Variants in STXBP5 observed in about 807,000 individuals in gnomAD.
The protein encoded by STXBP5 is syntaxin-binding protein 5.
A neutral mutation model predicts 152.4 loss-of-function variants in STXBP5; 50 were observed. The ratio of observed to expected loss-of-function variants is 0.33; its 90% CI spans 0.26 to 0.42. STXBP5 has a LOEUF of 0.42. STXBP5 is among the 10% of genes least tolerant of loss of function. STXBP5 has a pLI of 1.00. For missense variants in STXBP5, 1,167 were observed against 1,388.6 expected (o/e 0.84, Z 2.54); for synonymous variants, 492 against 494.7 (o/e 0.99, Z 0.07).
Position 147,301,217 on chromosome 6 carries a change from C to T in STXBP5, c.918-8867C>T, listed in dbSNP as rs544418068. ...TTGATGGAATGTAAATTAGTGCAGC[C>T]ATTATTGAAAATCATATGGAGGTTC... On this transcript the variant is annotated intron_variant, in intron 9 of 27. Transcript: ENST00000321680. 2.0e-5 allele frequency among the ~76,000 whole-genome samples: 3 copies of T among 152,128 alleles called. No homozygotes were observed. The South Asian group carries it at 6.2e-4, about 32-fold the overall frequency.
intron 6 of STXBP5, 76 bp from the exon 7 acceptor site, chr6:147,267,008 T>A (rs1779926975): frequency 1.6e-6 from 2 of 1,226,482 alleles, no homozygotes; most frequent in Non-Finnish European, 2.4e-6. Context: ...TGATAGTAGT[T>A]ATTTTCATTG....
intron 2 of STXBP5, among the ~76,000 whole-genome samples, chr6:147,215,457 T>G (rs1250125629): frequency 1.3e-5 from 2 of 152,172 alleles, no homozygotes; most frequent in African/African-American, 2.4e-5. Context: ...CTCGGCTCAC[T>G]ACAACCTCTG....
intron 2 of STXBP5, 78 bp downstream of exon 2, chr6:147,206,146 GA>G (rs776642217): frequency 2.9e-4 from 373 of 1,295,174 alleles, no homozygotes; most frequent in Non-Finnish European, 3.9e-4. Flanking sequence ...TAGTTCCAAA[GA>G]AAGTTTTTAT....
Position 147,341,238 on chromosome 6 carries a change from G to T in STXBP5, c.2254+1854G>T, listed in dbSNP as rs571602125. 1.2e-3 allele frequency among the ~76,000 whole-genome samples: 176 copies of T among 151,994 alleles called. 4 individuals are homozygous for T. The highest frequency in any genetic ancestry group is 1.3e-4 in the Non-Finnish European group (9 of 67,970). Reference sequence around the variant, plus strand: ...TCTCCCTACATTAGTATTTAGTTTTGTTATAAGAATTAGCATAAAATATGC... The same window carrying T: ...TCTCCCTACATTAGTATTTAGTTTTTTTATAAGAATTAGCATAAAATATGC... On this transcript the variant is annotated intron_variant, in intron 21 of 27. Coordinates refer to ENST00000321680, the MANE Select transcript of STXBP5 (RefSeq NM_001127715.4).
intron 2 of STXBP5, among the ~76,000 whole-genome samples, chr6:147,220,969 T>G (rs765420511): frequency 6.6e-6 from 1 of 152,154 alleles, no homozygotes; most frequent in Non-Finnish European, 1.5e-5. Context: ...TTTTTATGCC[T>G]CTTGTGGTTT....
chr6:147,385,061 G>A lies in STXBP5; in HGVS notation c.*306G>A, dbSNP rs2128424894. 2.9e-6 allele frequency: 1 copy of A among 344,808 alleles called. No homozygotes were observed. The highest frequency in any genetic ancestry group is 5.3e-6 in the Non-Finnish European group (1 of 189,728). The allele number at this position is 344,808 out of a possible 1,614,324, so 21.4% of individuals were successfully genotyped here. ...AGACCTGGTGCAGGGACTAATCCTGGATCATTCCTGTATTAAACTTTCATA... is the reference window on the plus strand; with the variant it reads ...AGACCTGGTGCAGGGACTAATCCTGAATCATTCCTGTATTAAACTTTCATA... On this transcript the variant is annotated 3_prime_UTR_variant, in exon 28 of 28. Coordinates refer to ENST00000321680, the MANE Select transcript of STXBP5 (RefSeq NM_001127715.4).
intron 2 of STXBP5, among the ~76,000 whole-genome samples, chr6:147,218,825 C>G (rs957767473): frequency 4.6e-5 from 7 of 152,186 alleles, no homozygotes; most frequent in Non-Finnish European, 1.5e-5. Context: ...TTGCTATAAT[C>G]ACATATTGGT....
intron 10 of STXBP5, 34 bp downstream of exon 10, chr6:147,310,272 A>G: frequency 7.1e-7 from 1 of 1,407,622 alleles, no homozygotes; most frequent in African/African-American, 1.5e-5. Flanking sequence ...CATTCTCTAT[A>G]GAGAGCTGAT....
intron 8 of STXBP5, among the ~76,000 whole-genome samples, chr6:147,278,786 C>A (rs75890650): frequency 0.04 from 6,115 of 152,192 alleles, 307 homozygotes; most frequent in East Asian, 0.15. Flanking sequence ...TAGAGGAAAC[C>A]AGGCTCAAGC....
At chr6:147,322,409 A>G (rs1015306383) in intron 16 of STXBP5, among the ~76,000 whole-genome samples, 1 of 152,238 alleles carries the variant, frequency 6.6e-6, no homozygotes, top group Non-Finnish European at 1.5e-5. Flanking sequence ...CTGTAGTTCA[A>G]TTCGTATAAG....
At chr6:147,240,097 A>C (rs933463843) in intron 4 of STXBP5, among the ~76,000 whole-genome samples, 5 of 151,862 alleles carry the variant, frequency 3.3e-5, no homozygotes, top group African/African-American at 1.2e-4. Flanking sequence ...ATGCACCACA[A>C]CACCTGGCTA....
chr6:147,222,131 T>C (rs147980947), intron 2 of STXBP5, among the ~76,000 whole-genome samples: 1 of 152,320 alleles, frequency 6.6e-6, no homozygotes, highest in Non-Finnish European at 1.5e-5. Context: ...TTTCCATCGT[T>C]CTGCTTATAT....
chr6:147,372,173 A>C (rs1359973464), intron 25 of STXBP5, among the ~76,000 whole-genome samples: 1 of 152,066 alleles, frequency 6.6e-6, no homozygotes, highest in Non-Finnish European at 1.5e-5. Flanking sequence ...TCAGTCTTAT[A>C]AATAAAACTG....
intron 24 of STXBP5, 87 bp downstream of exon 24, chr6:147,363,791 G>C: frequency 6.7e-7 from 1 of 1,501,458 alleles, no homozygotes. Flanking sequence ...AATGCTTTTT[G>C]TGTGTGTATA....
At chr6:147,218,629 C>T (rs957947086) in intron 2 of STXBP5, among the ~76,000 whole-genome samples, 1 of 152,070 alleles carries the variant, frequency 6.6e-6, no homozygotes, top group African/African-American at 2.4e-5. Context: ...CACAGGTGCA[C>T]ACCATCACAC....
chr6:147,378,447 A>G (rs1015360773), intron 26 of STXBP5, among the ~76,000 whole-genome samples: 2 of 151,674 alleles, frequency 1.3e-5, no homozygotes, highest in Non-Finnish European at 2.9e-5. Context: ...CGTTCCTGAT[A>G]GAGACTCCTA....
chr6:147,328,695 T>C (rs1160918756), intron 18 of STXBP5: 2 of 470,158 alleles, frequency 4.3e-6, no homozygotes, highest in Non-Finnish European at 8.8e-6. Context: ...ATTGCTTCAC[T>C]AAGGTGTGCT....
chr6:147,359,437 G>A, intron 23 of STXBP5, 114 bp downstream of exon 23: 1 of 1,250,474 alleles, frequency 8.0e-7, no homozygotes, highest in Non-Finnish European at 1.1e-6. Flanking sequence ...AAGTAAATGG[G>A]GACAGTGATG....
rs1318531380 is a variant in STXBP5 at position 147,385,667 on chromosome 6, T to C, written c.*912T>C. ...GTTGAAATTGGCTGTGTTTTAAATT[T>C]TGCTTGAATTTTTATAAAATGTTTA... is the stretch of plus-strand genomic sequence containing the variant. On this transcript the variant is annotated 3_prime_UTR_variant, in exon 28 of 28. Coordinates refer to ENST00000321680, the MANE Select transcript of STXBP5 (RefSeq NM_001127715.4). The C allele has an allele frequency of 4.6e-5, 7 of 152,152 alleles. No individual in the cohort carries two copies. The highest frequency in any genetic ancestry group is 3.9e-4 in the Admixed American group (6 of 15,254). 9.4% of individuals were successfully genotyped at this position (152,152 alleles called of 1,614,324 possible). A position where few individuals can be genotyped will look rare whatever the true frequency, so the allele number is the denominator to read the frequency against.
Sources: allele counts gnomAD v4.1 joint callset (sites outside exome capture counted in the v4.1 genomes callset), GRCh38; gene constraint gnomAD v4.1.1; transcripts MANE v1.5; gene names NCBI Gene and HGNC (gene_info 2026-07-23, HGNC 2026-07-21).